UQCRC1: variants seen among roughly 807,000 people sequenced by gnomAD.
The protein encoded by UQCRC1 is ubiquinol-cytochrome c reductase core protein 1.
In UQCRC1, 34 loss-of-function variants were observed where a neutral mutation model predicts 58.0. The observed-to-expected ratio is 0.59, with a 90% CI of 0.45 to 0.78. UQCRC1 has a LOEUF of 0.78. Ranked by LOEUF, UQCRC1 falls within the 30% of genes least tolerant of loss-of-function variation. UQCRC1 has a pLI of 0.00. For synonymous variants in UQCRC1, 276 were observed against 248.8 expected, an observed-to-expected ratio of 1.11 and a Z score of -1.03; for missense variants, 610 against 646.0, an observed-to-expected ratio of 0.94 and a Z score of 0.60.
rs201707020 is a variant in UQCRC1, at chr3:48,600,987, A to G, written c.954T>C (p.Tyr318=). 50 of 1,605,090 alleles carry G rather than the reference A, an allele frequency of 3.1e-5. No individual in the cohort carries two copies. Among genetic ancestry groups the G allele is most frequent in the Admixed American group, 5.0e-5 (3 of 59,752 alleles). Residue 318 remains tyrosine (Y), a synonymous_variant, in exon 8 of 13, where the codon TAT becomes TAC. Coordinates refer to ENST00000203407, the MANE Select transcript of UQCRC1 (RefSeq NM_003365.3). The stretch of plus-strand genomic sequence containing the variant: ...CGCTGGCACTCACCACGCCACCACC[A>G]TAAGTGCAGTCATAGTGGCCGATGA... ...NAIIGHYDCT[Y]GGGVHLSSPL...
chr3:48,607,655 C>T (rs1371100501), intron 2 of UQCRC1, among the ~76,000 whole-genome samples: 1 of 151,218 alleles, frequency 6.6e-6, no homozygotes, highest in East Asian at 1.9e-4. Context: ...TATTCCTGGG[C>T]TCAATCGATC....
chr3:48,606,621 C>T (rs564350846), intron 2 of UQCRC1, among the ~76,000 whole-genome samples: 107 of 152,160 alleles, frequency 7.0e-4, no homozygotes, highest in African/African-American at 2.5e-3. Flanking sequence ...GTGGCACGTG[C>T]CTGTAGTCCT....
chr3:48,599,162 C>T lies in UQCRC1; in HGVS notation c.1409G>A (p.Arg470Gln), dbSNP rs376944529. 14 of 1,610,556 alleles carry T rather than the reference C, an allele frequency of 8.7e-6. No homozygotes were observed. Among genetic ancestry groups the T allele is most frequent in the East Asian group, 2.2e-5 (1 of 44,782 alleles). Residue 470 changes from arginine (R) to glutamine (Q), a missense_variant, in exon 13 of 13, where the codon CGG becomes CAG. Coordinates refer to ENST00000203407, the MANE Select transcript of UQCRC1 (RefSeq NM_003365.3). ...CAGCCAGAACATGCCGCTACGGATC[C>T]GGTTGTAGTCTGGGAGCTGCTCAAT... ...GPIEQLPDYN[R>Q]IRSGMFWLRF
Position 48,605,773 on chromosome 3 carries a change from GA to G in UQCRC1, c.293del (p.Phe98SerfsTer70). 6.2e-7 allele frequency: 1 copy of G among 1,613,386 alleles called. No individual in the cohort carries two copies. The highest frequency in any genetic ancestry group is 8.5e-7 in the Non-Finnish European group (1 of 1,179,726). ...AGACAGACTTTAAGAGCCTCACCTTGAAAGCCAGATGCTCCAAAAAGTAGCC... is the reference window on the plus strand; with the variant it reads ...AGACAGACTTTAAGAGCCTCACCTTGAAGCCAGATGCTCCAAAAAGTAGCC... ...GAGYFLEHLA[F>X]KGTKNRPGSA... On this transcript the variant is annotated frameshift_variant, in exon 3 of 13. Coordinates refer to ENST00000203407, the MANE Select transcript of UQCRC1 (RefSeq NM_003365.3). LOFTEE classifies it high-confidence loss of function.
intron 6 of UQCRC1, among the ~76,000 whole-genome samples, chr3:48,602,890 A>C (rs548560471): frequency 6.6e-6 from 1 of 151,918 alleles, no homozygotes; most frequent in African/African-American, 2.4e-5. Context: ...CCATCTATAA[A>C]ACCACCTGGA....
chr3:48,606,930 G>A (rs754890677), intron 2 of UQCRC1, among the ~76,000 whole-genome samples: 1 of 151,786 alleles, frequency 6.6e-6, no homozygotes, highest in South Asian at 2.1e-4. Flanking sequence ...TGTGATGTCG[G>A]CTCACTCAAC....
At chr3:48,599,793 A>G (rs2107842230) in intron 11 of UQCRC1, 83 bp from the exon 12 acceptor site, 1 of 1,416,606 alleles carries the variant, frequency 7.1e-7, no homozygotes, top group East Asian at 2.3e-5. Flanking sequence ...ACTAGCAGAG[A>G]TCTCCCACAG....
intron 2 of UQCRC1, 47 bp from the exon 3 acceptor site, chr3:48,605,903 G>GC (rs2046406753): frequency 1.9e-6 from 3 of 1,585,094 alleles, no homozygotes; most frequent in East Asian, 2.3e-5. Context: ...CCACTCCCCA[G>GC]CCCCCTACTC....
At chr3:48,603,133 C>T (rs777696540) in intron 6 of UQCRC1, among the ~76,000 whole-genome samples, 1 of 152,170 alleles carries the variant, frequency 6.6e-6, no homozygotes, top group Non-Finnish European at 1.5e-5. Flanking sequence ...CCCCAAACTC[C>T]AACTCTGAGT....
intron 4 of UQCRC1, 95 bp from the exon 5 acceptor site, chr3:48,604,526 C>A: frequency 1.3e-6 from 2 of 1,583,598 alleles, no homozygotes; most frequent in Non-Finnish European, 1.7e-6. Flanking sequence ...TGCTGCCCAC[C>A]CCTAGTTGCC....
intron 3 of UQCRC1, 78 bp downstream of exon 3, chr3:48,605,692 T>C: frequency 6.9e-7 from 1 of 1,440,548 alleles, no homozygotes; most frequent in Non-Finnish European, 9.5e-7. Context: ...ATAATCAGGC[T>C]AATTTTTCTG....
chr3:48,601,088 C>T lies in UQCRC1; in HGVS notation c.853G>A (p.Ala285Thr). 6.2e-7 allele frequency: 1 copy of T among 1,606,074 alleles called. No homozygotes were observed. The highest frequency in any genetic ancestry group is 8.5e-7 in the Non-Finnish European group (1 of 1,173,656). Residue 285 changes from alanine (A) to threonine (T), a missense_variant, in exon 8 of 13, where the codon GCC (alanine) becomes ACC (threonine). Transcript: ENST00000203407. ...IRHRDDALPF[A>T]HVAIAVEGPG... ...CCCTCTACTGCAATGGCCACGTGGG[C>T]AAAAGGTAGAGCATCATCACGGTGG...
In UQCRC1 at chr3:48,609,282, T is replaced by G; in HGVS notation, c.90A>C (p.Pro30=). The change falls in exon 2 of 13, where the codon CCA becomes CCC. Residue 30 remains proline (P), a synonymous_variant. Transcript: ENST00000203407. ...CGAAGGTTGCCGTACTCCGCAAGGC[T>G]GGCGTCCGCAGCAGGGCCGGCTGTG... ...ARRSPALLRT[P]ALRSTATFAQ... 1 of 1,610,176 alleles carries G rather than the reference T, an allele frequency of 6.2e-7. No individual in the cohort carries two copies. Among genetic ancestry groups the G allele is most frequent in the Non-Finnish European group, 8.5e-7 (1 of 1,177,782 alleles).
chr3:48,606,485 A>T (rs959258037), intron 2 of UQCRC1, among the ~76,000 whole-genome samples: 7 of 152,220 alleles, frequency 4.6e-5, no homozygotes, highest in Non-Finnish European at 1.0e-4. Context: ...GCGGTGGCTT[A>T]TACCTGTAAT....
chr3:48,609,032 G>A (rs917464176), intron 2 of UQCRC1, 130 bp downstream of exon 2: 33 of 1,278,432 alleles, frequency 2.6e-5, no homozygotes, highest in Non-Finnish European at 3.4e-5. Flanking sequence ...GGCCATTCTC[G>A]GGGTGAGTGG....
At position 48,603,977 on chromosome 3, in the gene UQCRC1, G is replaced by A. The variant is rs1453309702; in HGVS notation, c.626+256C>T. 3.4e-5 allele frequency: 20 copies of A among 588,134 alleles called. No homozygotes were observed. The East Asian group carries it at 5.1e-4, about 15-fold the overall frequency. The allele number at this position is 588,134 out of a possible 1,614,324, so 36.4% of individuals were successfully genotyped here. ...AAGGAGACAAGAGACCACATGGAGG[G>A]GACACCCAGACACTTCGCCCTTGGA... On this transcript the variant is annotated intron_variant, in intron 5 of 12. Coordinates refer to ENST00000203407, the MANE Select transcript of UQCRC1 (RefSeq NM_003365.3).
intron 2 of UQCRC1, 38 bp downstream of exon 2, chr3:48,609,124 A>G: frequency 6.3e-7 from 1 of 1,577,332 alleles, no homozygotes; most frequent in African/African-American, 1.3e-5. Flanking sequence ...GGCAGGCCCA[A>G]CCTGGAGGCC....
At position 48,600,067 on chromosome 3, in the gene UQCRC1, A is replaced by G. The variant is rs764438194; in HGVS notation, c.1298T>C (p.Ile433Thr). The G allele has an allele frequency of 6.2e-7, 1 of 1,614,138 alleles. No homozygotes were observed. Among genetic ancestry groups the G allele is most frequent in the Non-Finnish European group, 8.5e-7 (1 of 1,180,014 alleles). The change falls in exon 11 of 13, where the codon ATT becomes ACT. Residue 433 changes from isoleucine (I) to threonine (T), a missense_variant. Physicochemically the swap from Ile to Thr is moderately conservative, Grantham distance 89 (BLOSUM62 -1). Transcript: ENST00000203407. ...RIPLAEWESR[I>T]AEVDASVVRE... is the part of the protein sequence containing the mutation. ...TCTCCCAGGGGTCCATGTTACCGCA[A>G]TCCGGCTTTCCCATTCAGCCAGGGG...
In UQCRC1 at chr3:48,604,702, G is replaced by A. The variant is rs1462813045; in HGVS notation, c.376C>T (p.Arg126Trp). The change falls in exon 4 of 13, where the codon CGG becomes TGG. Residue 126 changes from arginine (R) to tryptophan (W), a missense_variant. Coordinates refer to ENST00000203407, the MANE Select transcript of UQCRC1 (RefSeq NM_003365.3). ...MGAHLNAYST[R>W]EHTAYYIKAL... ...TTGATGTAGTAAGCTGTGTGCTCCC[G>A]GGTGCTGTAGGCATTAAGATGGGCC... is the stretch of plus-strand genomic sequence containing the variant. 8.1e-6 allele frequency: 13 copies of A among 1,614,036 alleles called. No individual in the cohort carries two copies. Among genetic ancestry groups the A allele is most frequent in the African/African-American group, 1.3e-5 (1 of 74,900 alleles).
Sources: allele counts gnomAD v4.1 joint callset (sites outside exome capture counted in the v4.1 genomes callset), GRCh38; gene constraint gnomAD v4.1.1; transcripts MANE v1.5; gene names NCBI Gene and HGNC (gene_info 2026-07-23, HGNC 2026-07-21).